Variants in AUTS2 observed in about 807,000 individuals in gnomAD.
The protein encoded by AUTS2 is activator of transcription and developmental regulator AUTS2, also known as autism susceptibility gene 2 protein.
AUTS2 carries 17 observed loss-of-function variants against 112.4 expected under a neutral mutation model. The observed-to-expected ratio is 0.15, with a 90% CI of 0.10 to 0.23. AUTS2 has a LOEUF of 0.23. AUTS2 is among the 10% of genes least tolerant of loss of function. AUTS2 has a pLI of 1.00. For synonymous variants in AUTS2, 751 were observed against 702.7 expected, an observed-to-expected ratio of 1.07 and a Z score of -1.09; for missense variants, 1,510 against 1,701.6, an observed-to-expected ratio of 0.89 and a Z score of 1.98.
Position 70,520,566 on chromosome 7 carries a change from A to G in AUTS2, c.690+84785A>G, listed in dbSNP as rs185875188. ...GATCACGCCTTAGATTATTCAGGAG[A>G]TATTTATTCTACTAAAAGAGCCTTC... On this transcript the variant is annotated intron_variant, in intron 5 of 18. Transcript: ENST00000342771. Among the ~76,000 whole-genome samples the G allele has an allele frequency of 1.4e-3, 220 of 152,318 alleles. 3 individuals are homozygous for G. The highest frequency in any genetic ancestry group is 2.6e-4 in the Non-Finnish European group (18 of 68,034).
chr7:69,628,309 A>T (rs928705719), intron 1 of AUTS2, among the ~76,000 whole-genome samples: 5 of 152,220 alleles, frequency 3.3e-5, no homozygotes, highest in Admixed American at 2.6e-4. Context: ...CTTTTAAATT[A>T]TATCTTAAAT....
At chr7:69,668,180 G>A (rs765622796) in intron 1 of AUTS2, among the ~76,000 whole-genome samples, 1 of 152,166 alleles carries the variant, frequency 6.6e-6, no homozygotes, top group Non-Finnish European at 1.5e-5. Context: ...CTTGCTCTTG[G>A]TGATTATAGT....
chr7:70,705,296 C>T (rs1409188223), intron 6 of AUTS2, among the ~76,000 whole-genome samples: 1 of 152,218 alleles, frequency 6.6e-6, no homozygotes, highest in Non-Finnish European at 1.5e-5. Context: ...AGTGACTGTA[C>T]TGTATAAGGA....
chr7:70,459,570 T>G (rs985210486), intron 5 of AUTS2, among the ~76,000 whole-genome samples: 1 of 152,152 alleles, frequency 6.6e-6, no homozygotes, highest in African/African-American at 2.4e-5. Flanking sequence ...TTCTTATCAG[T>G]TTTCTCAGTT....
intron 4 of AUTS2, among the ~76,000 whole-genome samples, chr7:70,250,627 A>C (rs948410280): frequency 2.0e-5 from 3 of 152,242 alleles, no homozygotes; most frequent in African/African-American, 7.2e-5. Flanking sequence ...AATGCCCATC[A>C]GTGGTAGACT....
chr7:70,702,199 AG>A (rs1278257298), intron 6 of AUTS2, among the ~76,000 whole-genome samples: 2 of 152,256 alleles, frequency 1.3e-5, no homozygotes, highest in Non-Finnish European at 2.9e-5. Flanking sequence ...AAAGAAAAGA[AG>A]GGAAGCCTGT....
chr7:69,710,731 A>T (rs1178606454), intron 1 of AUTS2, among the ~76,000 whole-genome samples: 1 of 152,246 alleles, frequency 6.6e-6, no homozygotes, highest in African/African-American at 2.4e-5. Context: ...GTGAACATTT[A>T]ATCTGTTAAA....
At chr7:69,696,056 G>A (rs898535245) in intron 1 of AUTS2, among the ~76,000 whole-genome samples, 2 of 152,138 alleles carry the variant, frequency 1.3e-5, no homozygotes, top group Non-Finnish European at 2.9e-5. Context: ...GAATATATTC[G>A]TGGCTAGTGA....
At chr7:69,647,369 T>C (rs1012123853) in intron 1 of AUTS2, among the ~76,000 whole-genome samples, 58 of 152,094 alleles carry the variant, frequency 3.8e-4, no homozygotes, top group African/African-American at 1.3e-3. Flanking sequence ...TTTTTTTTTT[T>C]TTTAATGGTC....
intron 5 of AUTS2, among the ~76,000 whole-genome samples, chr7:70,684,884 A>G (rs1808392923): frequency 6.6e-6 from 1 of 152,148 alleles, no homozygotes; most frequent in South Asian, 2.1e-4. Flanking sequence ...ACGACATTAT[A>G]ATTGTAGCAT....
chr7:70,000,200 G>A (rs973573186), intron 2 of AUTS2, among the ~76,000 whole-genome samples: 2 of 152,164 alleles, frequency 1.3e-5, no homozygotes, highest in Non-Finnish European at 2.9e-5. Context: ...GATTCAGTCC[G>A]ATACAGTCAG....
intron 2 of AUTS2, among the ~76,000 whole-genome samples, chr7:69,947,058 A>T (rs1796842730): frequency 6.6e-6 from 1 of 152,186 alleles, no homozygotes; most frequent in Non-Finnish European, 1.5e-5. Context: ...GAGTGTTACC[A>T]GCAGTGCTTG....
chr7:70,057,040 G>A (rs1332137507), intron 2 of AUTS2, among the ~76,000 whole-genome samples: 3 of 152,106 alleles, frequency 2.0e-5, no homozygotes, highest in African/African-American at 7.2e-5. Context: ...CTTTGCACAT[G>A]CATGATTTGG....
chr7:70,107,448 A>G (rs913080064), intron 2 of AUTS2, among the ~76,000 whole-genome samples: 18 of 148,766 alleles, frequency 1.2e-4, no homozygotes, highest in Admixed American at 4.7e-4. Context: ...GGTTCAGGCA[A>G]TTCTCCTGCC....
intron 5 of AUTS2, among the ~76,000 whole-genome samples, chr7:70,550,089 T>G (rs1480914371): frequency 1.3e-5 from 2 of 152,206 alleles, no homozygotes; most frequent in Non-Finnish European, 2.9e-5. Flanking sequence ...ATATTGGAAA[T>G]GCATTTAAAT....
At position 70,136,072 on chromosome 7, in the gene AUTS2, T is replaced by G. The variant is rs188634863; in HGVS notation, c.660+1501T>G. ...AGAAGAAAGTCATTTCTAGAAACATTGAGATTTTCATTATGCTTTTTGCAG... is the reference window on the plus strand; with the variant it reads ...AGAAGAAAGTCATTTCTAGAAACATGGAGATTTTCATTATGCTTTTTGCAG... On this transcript the variant is annotated intron_variant, in intron 4 of 18. Transcript: ENST00000342771. 2.6e-3 allele frequency among the ~76,000 whole-genome samples: 398 copies of G among 152,276 alleles called. 3 individuals carry two copies. Among genetic ancestry groups the G allele is most frequent in the Non-Finnish European group, 4.6e-3 (311 of 68,016 alleles).
intron 1 of AUTS2, among the ~76,000 whole-genome samples, chr7:69,894,676 G>A (rs1794671722): frequency 6.6e-6 from 1 of 152,148 alleles, no homozygotes; most frequent in African/African-American, 2.4e-5. Flanking sequence ...TTTCACATGA[G>A]AGTTTTTTCC....
intron 4 of AUTS2, among the ~76,000 whole-genome samples, chr7:70,192,654 C>G (rs578097964): frequency 1.3e-5 from 2 of 152,236 alleles, no homozygotes; most frequent in African/African-American, 4.8e-5. Flanking sequence ...GTCACCTTAG[C>G]CTGTGTAAAC....
In AUTS2 at chr7:70,792,638, C is replaced by A. The variant is rs1585707884; in HGVS notation, c.*1642C>A. 2 of 67,446 alleles carry A rather than the reference C, an allele frequency of 3.0e-5. No homozygotes were observed. The allele number at this position is 67,446 out of a possible 1,614,324, so 4.2% of individuals were successfully genotyped here. On this transcript the variant is annotated 3_prime_UTR_variant, in exon 19 of 19. Transcript: ENST00000342771. ...GTGTTTTTTTTTTTTTTTAAGACAACAACTAAAAAAAATGCAAGGAATATG... is the reference window on the plus strand; with the variant it reads ...GTGTTTTTTTTTTTTTTTAAGACAAAAACTAAAAAAAATGCAAGGAATATG...
Sources: allele counts gnomAD v4.1 joint callset (sites outside exome capture counted in the v4.1 genomes callset), GRCh38; gene constraint gnomAD v4.1.1; transcripts MANE v1.5; gene names NCBI Gene and HGNC (gene_info 2026-07-23, HGNC 2026-07-21).